HGF: variants seen among roughly 807,000 people sequenced by gnomAD.
HGF encodes the protein hepatocyte growth factor, also known as fibroblast-derived tumor cytotoxic factor.
Under a neutral mutation model 111.6 loss-of-function variants are expected in HGF, and 39 were observed. That is an observed-to-expected ratio of 0.35 (90% CI 0.27 to 0.46). The LOEUF (loss-of-function observed/expected upper bound fraction) is 0.46, where lower values mean the gene tolerates loss of function less well. Ranked by LOEUF, HGF falls within the 20% of genes least tolerant of loss-of-function variation. The probability of loss-of-function intolerance (pLI) is 1.00; values close to 1 mark genes in which losing one functional copy is unlikely to be tolerated. For synonymous variants in HGF, 285 were observed against 294.8 expected, an observed-to-expected ratio of 0.97 and a Z score of 0.34; for missense variants, 735 against 910.5, an observed-to-expected ratio of 0.81 and a Z score of 2.48.
intron 5 of HGF, among the ~76,000 whole-genome samples, chr7:81,746,985 T>G (rs568373202): frequency 6.6e-6 from 1 of 152,302 alleles, no homozygotes; most frequent in East Asian, 1.9e-4. Context: ...CAGGCATTGC[T>G]GCTGTTGCTG....
chr7:81,711,797 C>G (rs1789578070), intron 11 of HGF, among the ~76,000 whole-genome samples: 3 of 152,074 alleles, frequency 2.0e-5, no homozygotes, highest in Admixed American at 2.0e-4. Flanking sequence ...GCACACACCA[C>G]CACACCCAGC....
Position 81,716,495 on chromosome 7 carries a change from A to AT in HGF, c.1405+736dup, listed in dbSNP as rs5745728. Among the ~76,000 whole-genome samples, 229 of 151,946 alleles carry AT rather than the reference A, an allele frequency of 1.5e-3. 1 individual carries two copies. Among genetic ancestry groups the AT allele is most frequent in the African/African-American group, 5.0e-3 (206 of 41,442 alleles). The stretch of plus-strand genomic sequence containing the variant: ...AGAAGTGACTTCTCATGTCTTAAAC[A>AT]TTTTTTTCCTACGAATATGTTTTAA... On this transcript the variant is annotated intron_variant, in intron 11 of 17. Transcript: ENST00000222390.
chr7:81,705,872 A>G (rs1010505814), intron 15 of HGF, 119 bp from the exon 16 acceptor site: 3 of 24,192 alleles, frequency 1.2e-4, no homozygotes, highest in Non-Finnish European at 1.2e-4. Context: ...CTGTTTCTTA[A>G]AAAAAAAAAA....
At position 81,756,699 on chromosome 7, in the gene HGF, C is replaced by G. The variant is rs184178620; in HGVS notation, c.482+490G>C. 17 of 161,132 alleles carry G rather than the reference C, an allele frequency of 1.1e-4. No homozygotes were observed. The South Asian group carries it at 2.6e-3, about 25-fold the overall frequency. 10.0% of individuals were successfully genotyped at this position (161,132 alleles called of 1,614,324 possible). On this transcript the variant is annotated intron_variant, in intron 4 of 17. Transcript: ENST00000222390. ...AAAAAATACTGGTGCCCTATTCTCC[C>G]CAGAGATTCTGATTTAATTGTTCTG...
At chr7:81,716,569 CT>C (rs1163783497) in intron 11 of HGF, among the ~76,000 whole-genome samples, 1 of 151,974 alleles carries the variant, frequency 6.6e-6, no homozygotes, top group African/African-American at 2.4e-5. Flanking sequence ...TTATTTTCTA[CT>C]TTTTTCTCCT....
At chr7:81,769,809 G>T in intron 1 of HGF, 75 bp downstream of exon 1, 2 of 1,110,214 alleles carry the variant, frequency 1.8e-6, no homozygotes, top group Non-Finnish European at 1.3e-6. Context: ...AAAAGAGGGT[G>T]TTAAAAGGAA....
At chr7:81,755,264 C>A (rs963677172) in intron 4 of HGF, 1 of 152,094 alleles carries the variant, frequency 6.6e-6, no homozygotes, top group African/African-American at 2.4e-5. Flanking sequence ...ATAAATCATT[C>A]CTCCAGACAG....
intron 7 of HGF, among the ~76,000 whole-genome samples, chr7:81,733,583 T>C (rs1787734782): frequency 6.6e-6 from 1 of 152,112 alleles, no homozygotes. Context: ...ATTTATTCCC[T>C]TTGACATTCA....
At chr7:81,713,566 T>C (rs1255601596) in intron 11 of HGF, among the ~76,000 whole-genome samples, 1 of 151,876 alleles carries the variant, frequency 6.6e-6, no homozygotes, top group Non-Finnish European at 1.5e-5. Flanking sequence ...GTAGACACTA[T>C]ACATTTTGGG....
intron 4 of HGF, among the ~76,000 whole-genome samples, chr7:81,752,910 T>C (rs1788575280): frequency 6.6e-6 from 1 of 152,086 alleles, no homozygotes; most frequent in Admixed American, 6.6e-5. Context: ...CTTATATGGT[T>C]ATTTTGAGAA....
At chr7:81,758,960 C>T (rs1788927175) in intron 2 of HGF, among the ~76,000 whole-genome samples, 156 bp from the exon 3 acceptor site, 1 of 151,940 alleles carries the variant, frequency 6.6e-6, no homozygotes, top group Non-Finnish European at 1.5e-5. Flanking sequence ...AAATTTGAAC[C>T]TACCATTTTG....
Position 81,717,333 on chromosome 7 carries a change from A to T in HGF, c.1304T>A (p.Leu435Gln). Reference protein sequence around the residue: ...HIFWEPDASKLNENYCRNPDD... With the variant: ...HIFWEPDASKQNENYCRNPDD... ...TGGATTTCGGCAGTAATTCTCATTCAGCTTACTTGCATCTGGTTCCCAGAA... is the reference window on the plus strand; with the variant it reads ...TGGATTTCGGCAGTAATTCTCATTCTGCTTACTTGCATCTGGTTCCCAGAA... The change falls in exon 11 of 18, where the codon CTG becomes CAG. Residue 435 changes from leucine (L) to glutamine (Q), a missense_variant. This residue lies in a region of HGF where 553 missense variants were observed against 685.6 expected (regional missense o/e 0.81). Transcript: ENST00000222390. 6.2e-7 allele frequency: 1 copy of T among 1,613,600 alleles called. No individual in the cohort carries two copies. Among genetic ancestry groups the T allele is most frequent in the Non-Finnish European group, 8.5e-7 (1 of 1,179,582 alleles).
intron 17 of HGF, 136 bp downstream of exon 17, chr7:81,705,254 T>C (rs1396777171): frequency 7.5e-6 from 6 of 803,292 alleles, no homozygotes. Flanking sequence ...ATTACAGAGT[T>C]AATTTTCCCA....
At chr7:81,758,520 T>G (rs971368020) in intron 3 of HGF, among the ~76,000 whole-genome samples, 172 bp downstream of exon 3, 4 of 152,040 alleles carry the variant, frequency 2.6e-5, no homozygotes, top group Admixed American at 2.6e-4. Context: ...AGTACCATAC[T>G]AAAAATAGTC....
rs929044705 is a variant in HGF at position 81,699,105 on chromosome 7, C to A, written c.*3476G>T. 1 of 151,238 alleles carries A rather than the reference C, an allele frequency of 6.6e-6. No individual in the cohort carries two copies. The allele number at this position is 151,238 out of a possible 1,614,324, so 9.4% of individuals were successfully genotyped here. On this transcript the variant is annotated 3_prime_UTR_variant, in exon 18 of 18. Coordinates refer to ENST00000222390, the MANE Select transcript of HGF (RefSeq NM_000601.6). Reference sequence around the variant, plus strand: ...AGAAAGTTTATAATACAAGTCATAACCACAGTGTTCCCTTTTTTGGGTAAG... The same window carrying A: ...AGAAAGTTTATAATACAAGTCATAAACACAGTGTTCCCTTTTTTGGGTAAG...
At chr7:81,743,329 G>A (rs2116020306) in intron 7 of HGF, 24 bp downstream of exon 7, 2 of 1,297,570 alleles carry the variant, frequency 1.5e-6, no homozygotes, top group East Asian at 2.3e-5. Context: ...GGAAAAGGAA[G>A]CAATAAATTT....
At chr7:81,711,389 A>T in intron 12 of HGF, 92 bp downstream of exon 12, 2 of 628,674 alleles carry the variant, frequency 3.2e-6, no homozygotes, top group Non-Finnish European at 5.4e-6. Flanking sequence ...AATGGAAGCT[A>T]ATATAGATAA....
intron 13 of HGF, 115 bp downstream of exon 13, chr7:81,710,032 C>G: frequency 1.3e-6 from 1 of 749,350 alleles, no homozygotes; most frequent in East Asian, 2.6e-5. Context: ...TACTGCCTCA[C>G]CCAGGTGCCC....
intron 7 of HGF, among the ~76,000 whole-genome samples, chr7:81,736,363 G>GGT (rs1261993597): frequency 6.6e-6 from 1 of 151,958 alleles, no homozygotes; most frequent in Non-Finnish European, 1.5e-5. Flanking sequence ...TAGGTGATCA[G>GGT]GTCAACGGTC....
Sources: allele counts gnomAD v4.1 joint callset (sites outside exome capture counted in the v4.1 genomes callset), GRCh38; gene constraint gnomAD v4.1.1; regional missense constraint gnomAD v4.1.1; transcripts MANE v1.5; gene names NCBI Gene and HGNC (gene_info 2026-07-23, HGNC 2026-07-21).